The following PKHD1 variants were observed in gnomAD, a reference collection of about 807,000 sequenced individuals.
The protein encoded by PKHD1 is PKHD1 ciliary IPT domain containing fibrocystin/polyductin, also known as fibrocystin.
In PKHD1, 291 loss-of-function variants were observed where a neutral mutation model predicts 412.0. That is an observed-to-expected ratio of 0.71 (90% CI 0.64 to 0.78). The LOEUF (loss-of-function observed/expected upper bound fraction) is 0.78. PKHD1 is among the 30% of genes least tolerant of loss of function. The probability of loss-of-function intolerance (pLI) is 0.00; values close to 1 mark genes in which losing one functional copy is unlikely to be tolerated. For synonymous variants in PKHD1, 1,777 were observed against 1,821.5 expected (o/e 0.98, Z 0.62); for missense variants, 4,825 against 4,950.7 (o/e 0.97, Z 0.76).
At chr6:51,837,887 A>G (rs1418687076) in intron 50 of PKHD1, among the ~76,000 whole-genome samples, 1 of 152,132 alleles carries the variant, frequency 6.6e-6, no homozygotes, top group Non-Finnish European at 1.5e-5. Context: ...TTCTCCTTAC[A>G]CTGCCACATG....
intron 60 of PKHD1, chr6:51,741,297 A>T: frequency 2.1e-6 from 1 of 484,330 alleles, no homozygotes; most frequent in East Asian, 5.7e-5. Context: ...TATTTTTGGC[A>T]CTCACCTTCA....
chr6:51,763,682 T>C (rs1788426622), intron 55 of PKHD1, among the ~76,000 whole-genome samples: 1 of 152,064 alleles, frequency 6.6e-6, no homozygotes, highest in Admixed American at 6.6e-5. Context: ...AAACCAAGAA[T>C]GCACTTCATA....
intron 29 of PKHD1, among the ~76,000 whole-genome samples, chr6:52,028,992 A>C (rs1253505379): frequency 2.0e-5 from 3 of 152,208 alleles, no homozygotes; most frequent in African/African-American, 4.8e-5. Context: ...CTTAACCTCC[A>C]CTTTTCTACT....
chr6:51,759,458 A>C, intron 55 of PKHD1, among the ~76,000 whole-genome samples: 1 of 152,064 alleles, frequency 6.6e-6, no homozygotes, highest in East Asian at 1.9e-4. Flanking sequence ...ATTAGTAGTA[A>C]CCTCCTCACT....
At chr6:51,743,646 G>A (rs1384406237) in intron 60 of PKHD1, among the ~76,000 whole-genome samples, 1 of 152,188 alleles carries the variant, frequency 6.6e-6, no homozygotes, top group East Asian at 1.9e-4. Flanking sequence ...TCCTGTGAAA[G>A]TCACACATTC....
At chr6:51,699,623 T>C (rs1398553750) in intron 60 of PKHD1, among the ~76,000 whole-genome samples, 1 of 152,188 alleles carries the variant, frequency 6.6e-6, no homozygotes, top group African/African-American at 2.4e-5. Flanking sequence ...TAAGTATATA[T>C]ATAACTTTAT....
chr6:51,678,088 A>G lies in PKHD1; in HGVS notation c.10157-18119T>C, dbSNP rs188038670. On this transcript the variant is annotated intron_variant, in intron 60 of 66. Transcript: ENST00000371117. Reference sequence around the variant, plus strand: ...ATTATGATTTTATTATTTGAATATTACATTGAAAACAGCCCAGGCAAATTC... The same window carrying G: ...ATTATGATTTTATTATTTGAATATTGCATTGAAAACAGCCCAGGCAAATTC... Among the ~76,000 whole-genome samples the G allele has an allele frequency of 2.1e-3, 316 of 152,296 alleles. 2 individuals carry two copies. The highest frequency in any genetic ancestry group is 5.8e-3 in the South Asian group (28 of 4,832).
chr6:51,783,357 T>C (rs1253374423), intron 53 of PKHD1, among the ~76,000 whole-genome samples: 1 of 86,204 alleles, frequency 1.2e-5, no homozygotes, highest in Non-Finnish European at 2.7e-5. Flanking sequence ...ATAAATTTTA[T>C]AAAATTATAT....
intron 60 of PKHD1, chr6:51,682,219 A>T (rs1776775044): frequency 2.2e-6 from 1 of 455,900 alleles, no homozygotes; most frequent in African/African-American, 2.0e-5. Flanking sequence ...AACATAAGGG[A>T]ACTCTTCTTT....
In PKHD1 at chr6:51,867,916, G is replaced by A. The variant is rs1023845826; in HGVS notation, c.7680C>T (p.Val2560=). Residue 2560 remains valine (V), a synonymous_variant, in exon 48 of 67, where the codon GTC becomes GTT. Coordinates refer to ENST00000371117, the MANE Select transcript of PKHD1 (RefSeq NM_138694.4). ...CLVNSSFGRV[V]HGSACGGGVL... ...CACCTCCTCCACAGGCACTGCCATG[G>A]ACAACCCGACCAAAGCTTGAATTGA... The A allele has an allele frequency of 6.2e-7, 1 of 1,613,254 alleles. No homozygotes were observed. Among genetic ancestry groups the A allele is most frequent in the Non-Finnish European group, 8.5e-7 (1 of 1,179,330 alleles).
intron 65 of PKHD1, among the ~76,000 whole-genome samples, chr6:51,630,180 T>C (rs2580026): frequency 0.043 from 6,505 of 152,222 alleles, 231 homozygotes; most frequent in African/African-American, 0.093. Context: ...AGATGGCACT[T>C]TAAGTAACTA....
intron 35 of PKHD1, among the ~76,000 whole-genome samples, chr6:52,006,792 C>G (rs2499487): frequency 0.43 from 65,397 of 152,026 alleles, 15,653 homozygotes; most frequent in Admixed American, 0.57. Flanking sequence ...CATCCATCAC[C>G]GGAGCAGTAT....
intron 60 of PKHD1, chr6:51,722,122 T>G: frequency 1.3e-6 from 2 of 1,589,046 alleles, no homozygotes; most frequent in Non-Finnish European, 1.7e-6. Context: ...TGCATCCAAA[T>G]GAAAATACCC....
rs1366101951 is a variant in PKHD1 at position 51,870,645 on chromosome 6, A to T, written c.7351-6T>A. The T allele has an allele frequency of 1.2e-6, 2 of 1,606,062 alleles. No homozygotes were observed. Among genetic ancestry groups the T allele is most frequent in the Non-Finnish European group, 1.7e-6 (2 of 1,173,266 alleles). On this transcript the variant is annotated splice_region_variant and splice_polypyrimidine_tract_variant and intron_variant, in intron 46 of 66. Transcript: ENST00000371117. ...GATGACATACACAGACTTCCCTGTG[A>T]TTTAAAAGAAAAAAAGATGAAAGCA...
chr6:51,686,808 T>C (rs1777505206), intron 60 of PKHD1, among the ~76,000 whole-genome samples: 1 of 152,228 alleles, frequency 6.6e-6, no homozygotes, highest in Non-Finnish European at 1.5e-5. Flanking sequence ...TGATTAACTC[T>C]AGAATTTTCC....
rs1807128932 is a variant in PKHD1, at chr6:52,053,082, CG to C, written c.2133del (p.Asn711LysfsTer2). 1 of 1,613,762 alleles carries C rather than the reference CG, an allele frequency of 6.2e-7. No individual in the cohort carries two copies. Among genetic ancestry groups the C allele is most frequent in the South Asian group, 1.1e-5 (1 of 91,072 alleles). Reference sequence around the variant, plus strand: ...GAGAGAATTTGATGATTACCTGTTACGTTTGTGTCTGCAATAATAATTTCAT... The same window carrying C: ...GAGAGAATTTGATGATTACCTGTTACTTTGTGTCTGCAATAATAATTTCAT... ...YVDEIIIADTNVTVSQADSGT... is the reference protein window; with the variant it reads ...YVDEIIIADTXVTVSQADSGT... On this transcript the variant is annotated frameshift_variant, in exon 21 of 67. Transcript: ENST00000371117. LOFTEE classifies it high-confidence loss of function.
At chr6:51,747,224 T>C (rs374250926) in intron 58 of PKHD1, among the ~76,000 whole-genome samples, 2 of 152,164 alleles carry the variant, frequency 1.3e-5, no homozygotes, top group African/African-American at 2.4e-5. Flanking sequence ...ACTACAATGG[T>C]GGTACAAGAG....
rs1319864995 is a variant in PKHD1 at position 52,070,509 on chromosome 6, G to GA, written c.668-65_668-64insT. The GA allele has an allele frequency of 2.1e-4, 251 of 1,212,528 alleles. 1 individual carries two copies. The highest frequency in any genetic ancestry group is 9.4e-4 in the Middle Eastern group (5 of 5,342). The allele number at this position is 1,212,528 out of a possible 1,614,324, so 75.1% of individuals were successfully genotyped here. A position where few individuals can be genotyped will look rare whatever the true frequency, so the allele number is the denominator to read the frequency against. On this transcript the variant is annotated intron_variant, in intron 9 of 66. Transcript: ENST00000371117. ...CACGAGTCTTCTGGGCCAGGCCATT[G>GA]CTTTCATAAGCCCAAAGACTCCAAT...
intron 60 of PKHD1, among the ~76,000 whole-genome samples, chr6:51,679,689 G>T (rs1344869778): frequency 1.3e-5 from 2 of 152,014 alleles, no homozygotes; most frequent in African/African-American, 4.8e-5. Flanking sequence ...GGAAAGGAAA[G>T]GTGGTAATAA....
Sources: gnomAD v4.1 joint callset for allele counts (sites outside exome capture counted in the v4.1 genomes callset) on GRCh38, gnomAD v4.1.1 for gene constraint, MANE v1.5 for transcripts, NCBI Gene and HGNC (gene_info 2026-07-23, HGNC 2026-07-21) for gene names.